DLG5: variants seen among roughly 807,000 people sequenced by gnomAD.
DLG5 encodes the protein discs large MAGUK scaffold protein 5.
A neutral mutation model predicts 189.8 loss-of-function variants in DLG5; 48 were observed. The ratio of observed to expected loss-of-function variants is 0.25; its 90% CI spans 0.20 to 0.32. The LOEUF (loss-of-function observed/expected upper bound fraction) is 0.32, where lower values mean the gene tolerates loss of function less well. Among genes scored for constraint, DLG5 ranks in the 10% least tolerant of loss-of-function variants. DLG5 has a pLI of 1.00. For missense variants in DLG5, 2,160 were observed against 2,544.7 expected (o/e 0.85, Z 3.25); for synonymous variants, 1,016 against 1,054.1 (o/e 0.96, Z 0.70).
chr10:77,794,965 T>TGG lies in DLG5; in HGVS notation c.5437-9_5437-8dup. On this transcript the variant is annotated splice_region_variant and splice_polypyrimidine_tract_variant and intron_variant, in intron 29 of 31. Transcript: ENST00000372391. The stretch of plus-strand genomic sequence containing the variant: ...CCAGGAGGCAGTGTCGGTTCTGGGG[T>TGG]GGGGGGTGCAGAGTGAGCCCTGGCG... 6.2e-7 allele frequency: 1 copy of TGG among 1,612,330 alleles called. No homozygotes were observed. Among genetic ancestry groups the TGG allele is most frequent in the Non-Finnish European group, 8.5e-7 (1 of 1,179,252 alleles).
At chr10:77,794,170 T>C in intron 30 of DLG5, 53 bp from the exon 31 acceptor site, 1 of 1,535,200 alleles carries the variant, frequency 6.5e-7, no homozygotes, top group Non-Finnish European at 9.0e-7. Flanking sequence ...CCAGGCCCTC[T>C]TTCCTTCCTC....
chr10:77,862,320 C>T (rs188415269), intron 2 of DLG5, among the ~76,000 whole-genome samples: 82 of 152,308 alleles, frequency 5.4e-4, no homozygotes, highest in Admixed American at 1.2e-3. Flanking sequence ...TTGATCTAAC[C>T]CCTAAGGGCC....
At chr10:77,873,224 C>T (rs943676618) in intron 1 of DLG5, among the ~76,000 whole-genome samples, 1 of 152,110 alleles carries the variant, frequency 6.6e-6, no homozygotes, top group African/African-American at 2.4e-5. Context: ...AGATTCTTTA[C>T]TATCAAAGGA....
At chr10:77,866,163 G>C (rs1844673975) in intron 2 of DLG5, among the ~76,000 whole-genome samples, 1 of 152,172 alleles carries the variant, frequency 6.6e-6, no homozygotes, top group South Asian at 2.1e-4. Flanking sequence ...GAACTCCCTG[G>C]CAGGTGCTAG....
intron 8 of DLG5, among the ~76,000 whole-genome samples, chr10:77,834,473 A>C (rs1305703989): frequency 6.6e-6 from 1 of 152,132 alleles, no homozygotes; most frequent in Non-Finnish European, 1.5e-5. Flanking sequence ...CCACAGGCAG[A>C]GCTTTCTAGA....
Position 77,821,449 on chromosome 10 carries a change from G to A in DLG5, c.3035C>T (p.Pro1012Leu). The change falls in exon 15 of 32, where the codon CCC becomes CTC. Residue 1012 changes from proline (P) to leucine (L), a missense_variant. By Grantham distance (98) the Pro-to-Leu change is moderately conservative. Around this residue, in one of 5 missense-constraint regions of DLG5, gnomAD observed 754 missense variants for 746.5 expected, o/e 1.01. Transcript: ENST00000372391. ...QPSKRAGPLT[P>L]PKPPRRSDSI... ...GTCGCTCCTTCTGGGAGGTTTTGGG[G>A]GTGTCAGAGGCCCCGCCCTCTTGGA... is the stretch of plus-strand genomic sequence containing the variant. The A allele has an allele frequency of 6.2e-7, 1 of 1,612,902 alleles. No homozygotes were observed. The highest frequency in any genetic ancestry group is 2.2e-5 in the East Asian group (1 of 44,870).
chr10:77,857,043 CCA>C, intron 2 of DLG5, 151 bp from the exon 3 acceptor site: 2 of 715,258 alleles, frequency 2.8e-6, no homozygotes, highest in Non-Finnish European at 4.5e-6. Context: ...GAACACTGAG[CCA>C]CAGACGGTAG....
Position 77,792,382 on chromosome 10 carries a change from G to T in DLG5, c.*58C>A. 1 of 1,488,324 alleles carries T rather than the reference G, an allele frequency of 6.7e-7. No individual in the cohort carries two copies. The highest frequency in any genetic ancestry group is 9.4e-7 in the Non-Finnish European group (1 of 1,065,690). 92.2% of individuals were successfully genotyped at this position (1,488,324 alleles called of 1,614,324 possible). ...TTCTACTTTCAGTCGCTAGAAAAGA[G>T]CTGAGTCTGGTGTCCCCTCAGGCGG... On this transcript the variant is annotated 3_prime_UTR_variant, in exon 32 of 32. Transcript: ENST00000372391.
intron 2 of DLG5, 105 bp from the exon 3 acceptor site, chr10:77,856,997 A>G: frequency 9.3e-7 from 1 of 1,070,958 alleles, no homozygotes; most frequent in Non-Finnish European, 1.3e-6. Context: ...GTGACCCAAC[A>G]AGTGGGTCCT....
intron 3 of DLG5, 77 bp from the exon 4 acceptor site, chr10:77,854,447 G>A (rs913905522): frequency 7.0e-6 from 11 of 1,575,974 alleles, no homozygotes; most frequent in Middle Eastern, 1.7e-4. Flanking sequence ...TCCTGGATTA[G>A]GCCAGCCCAG....
chr10:77,886,601 T>C (rs1371652804), intron 1 of DLG5, among the ~76,000 whole-genome samples: 1 of 152,128 alleles, frequency 6.6e-6, no homozygotes, highest in African/African-American at 2.4e-5. Flanking sequence ...GTGATCTGCC[T>C]GCTTTGGCCT....
the DLG5 span, among the ~76,000 whole-genome samples, chr10:77,934,384 A>AAG: frequency 1.6e-4 from 25 of 151,778 alleles, no homozygotes; most frequent in Admixed American, 7.9e-4. Context: ...AAAAAAAAAA[A>AAG]AAAAGAAAAG....
rs1383922462 is a variant in DLG5 at position 77,821,613 on chromosome 10, C to T, written c.2871G>A (p.Val957=). 2 of 1,613,036 alleles carry T rather than the reference C, an allele frequency of 1.2e-6. No individual in the cohort carries two copies. The highest frequency in any genetic ancestry group is 2.2e-5 in the East Asian group (1 of 44,888). Reference sequence around the variant, plus strand: ...TTTTATAAACAGAGAGCTTCTCAGGCACTGCCGTGGAGCTGAGCATGGCCT... The same window carrying T: ...TTTTATAAACAGAGAGCTTCTCAGGTACTGCCGTGGAGCTGAGCATGGCCT... ...WPKAMLSSTA[V]PEKLSVYKKP... Residue 957 remains valine, a synonymous_variant, in exon 15 of 32, where the codon GTG becomes GTA. Transcript: ENST00000372391.
chr10:77,879,435 G>A (rs1845207140), intron 1 of DLG5, among the ~76,000 whole-genome samples: 1 of 151,938 alleles, frequency 6.6e-6, no homozygotes, highest in East Asian at 2.0e-4. Flanking sequence ...AAGGTTCTGA[G>A]TAGAGGAAAG....
At position 77,821,838 on chromosome 10, in the gene DLG5, C is replaced by T; in HGVS notation, c.2646G>A (p.Gln882=). The part of the protein sequence containing the change: ...FPGGPLQVCP[Q]ACPSASERSL... Reference sequence around the variant, plus strand: ...TACGCTCAGAGGCACTGGGACAGGCCTGGGGGCAGACCTGCAAGGGTCCCC... The same window carrying T: ...TACGCTCAGAGGCACTGGGACAGGCTTGGGGGCAGACCTGCAAGGGTCCCC... Residue 882 remains glutamine, a synonymous_variant, in exon 15 of 32, where the codon CAG becomes CAA. Coordinates refer to ENST00000372391, the MANE Select transcript of DLG5 (RefSeq NM_004747.4). 6.2e-7 allele frequency: 1 copy of T among 1,613,860 alleles called. No individual in the cohort carries two copies. Among genetic ancestry groups the T allele is most frequent in the Non-Finnish European group, 8.5e-7 (1 of 1,179,868 alleles).
chr10:77,922,706 T>C (rs1846571549), intron 1 of DLG5, among the ~76,000 whole-genome samples: 1 of 152,026 alleles, frequency 6.6e-6, no homozygotes, highest in South Asian at 2.1e-4. Flanking sequence ...AAGACACCAC[T>C]CATCTCCCTG....
In DLG5 at chr10:77,894,513, T is replaced by C. The variant is rs557291912; in HGVS notation, c.305-25316A>G. 6.0e-5 allele frequency among the ~76,000 whole-genome samples: 9 copies of C among 150,954 alleles called. No individual in the cohort carries two copies. In the East Asian group the frequency reaches 1.8e-3, roughly 29 times the overall value. On this transcript the variant is annotated intron_variant, in intron 1 of 31. Coordinates refer to ENST00000372391, the MANE Select transcript of DLG5 (RefSeq NM_004747.4). ...ATTAATTAAATTTTCTACATGAATGTGCATGCTTTATTGTCAGCAAAGAAT... is the reference window on the plus strand; with the variant it reads ...ATTAATTAAATTTTCTACATGAATGCGCATGCTTTATTGTCAGCAAAGAAT...
intron 6 of DLG5, among the ~76,000 whole-genome samples, chr10:77,842,682 A>C (rs1414825534): frequency 1.3e-5 from 2 of 152,172 alleles, no homozygotes; most frequent in African/African-American, 2.4e-5. Context: ...ATCAGAGCCC[A>C]TGGCTCCAGA....
At chr10:77,826,498 A>T (rs185431008) in intron 13 of DLG5, among the ~76,000 whole-genome samples, 38 of 152,236 alleles carry the variant, frequency 2.5e-4, no homozygotes, top group African/African-American at 8.4e-4. Flanking sequence ...GCGTGATGGC[A>T]CATGTCTGTA....
Sources: gnomAD v4.1 joint callset for allele counts (sites outside exome capture counted in the v4.1 genomes callset) on GRCh38, gnomAD v4.1.1 for gene constraint, gnomAD v4.1.1 regional missense constraint, MANE v1.5 for transcripts, NCBI Gene and HGNC (gene_info 2026-07-23, HGNC 2026-07-21) for gene names.